The following TTLL5 variants were observed in gnomAD, a reference collection of about 807,000 sequenced individuals.
TTLL5 encodes the protein tubulin tyrosine ligase like 5, also known as tubulin polyglutamylase TTLL5.
Under a neutral mutation model 168.4 loss-of-function variants are expected in TTLL5, and 132 were observed. The ratio of observed to expected loss-of-function variants is 0.78; its 90% CI spans 0.68 to 0.91. The LOEUF (loss-of-function observed/expected upper bound fraction) is 0.91. TTLL5 is among the 40% of genes least tolerant of loss of function. The pLI is 0.00. For missense variants in TTLL5, 1,545 were observed against 1,581.5 expected (o/e 0.98, Z 0.39); for synonymous variants, 546 against 558.6 (o/e 0.98, Z 0.32).
At chr14:75,868,697 C>T (rs1223477232) in intron 29 of TTLL5, among the ~76,000 whole-genome samples, 3 of 152,090 alleles carry the variant, frequency 2.0e-5, no homozygotes, top group Admixed American at 6.5e-5. Flanking sequence ...CCATATAAAC[C>T]GAACCATGTC....
chr14:75,771,959 G>A (rs1566597057), intron 21 of TTLL5, 105 bp downstream of exon 21: 5 of 1,304,958 alleles, frequency 3.8e-6, no homozygotes, highest in Non-Finnish European at 5.2e-6. Context: ...TTTTTCTGGT[G>A]AAAGGATTAT....
Position 75,766,221 on chromosome 14 carries a change from C to T in TTLL5, c.1868C>T (p.Thr623Ile). The T allele has an allele frequency of 6.2e-7, 1 of 1,614,006 alleles. No individual in the cohort carries two copies. The highest frequency in any genetic ancestry group is 1.1e-5 in the South Asian group (1 of 91,078). The stretch of plus-strand genomic sequence containing the variant: ...CAAGCCAAATATACACCCTCATTGA[C>T]AGCTTTGGTAGAAAATACACCCAAA... ...ENQAKYTPSL[T>I]ALVENTPKEN... The change falls in exon 20 of 32, where the codon ACA becomes ATA. Residue 623 changes from threonine to isoleucine, a missense_variant. Transcript: ENST00000298832.
intron 12 of TTLL5, among the ~76,000 whole-genome samples, chr14:75,727,452 A>G (rs1272152227): frequency 1.3e-5 from 2 of 152,246 alleles, no homozygotes; most frequent in Non-Finnish European, 2.9e-5. Flanking sequence ...TCAAGAAACT[A>G]CATATTACAT....
intron 18 of TTLL5, among the ~76,000 whole-genome samples, chr14:75,763,268 TG>T (rs1566592971): frequency 2.0e-5 from 3 of 151,890 alleles, no homozygotes; most frequent in Non-Finnish European, 2.9e-5. Flanking sequence ...TGTGTGTGTG[TG>T]TGTGTGTGTG....
chr14:75,748,599 G>A (rs749726134), intron 17 of TTLL5, among the ~76,000 whole-genome samples: 3 of 152,204 alleles, frequency 2.0e-5, no homozygotes, highest in Non-Finnish European at 2.9e-5. Context: ...TTTCAGATCC[G>A]TTGCTGAAGT....
chr14:75,763,582 C>T (rs769681985), intron 18 of TTLL5, among the ~76,000 whole-genome samples: 13 of 152,170 alleles, frequency 8.5e-5, no homozygotes, highest in East Asian at 1.9e-4. Flanking sequence ...CTAGAGAGTT[C>T]AGAGCCAACC....
chr14:75,878,239 C>G (rs968168205), intron 29 of TTLL5, among the ~76,000 whole-genome samples: 1 of 152,174 alleles, frequency 6.6e-6, no homozygotes, highest in Admixed American at 6.5e-5. Context: ...TAACAGAACC[C>G]TCTCTACCAC....
At chr14:75,686,322 A>G (rs1319651809) in intron 5 of TTLL5, among the ~76,000 whole-genome samples, 2 of 152,144 alleles carry the variant, frequency 1.3e-5, no homozygotes. Flanking sequence ...GATTTTCTTT[A>G]TAACTTTGCC....
In TTLL5 at chr14:75,909,753, G is replaced by A. The variant is rs554102207; in HGVS notation, c.3823+7529G>A. ...GGGCATAGCACTTCATCCGTAGCCT[G>A]TGTTACACAAGTGATGTTTTAACAG... On this transcript the variant is annotated intron_variant, in intron 31 of 31. Coordinates refer to ENST00000298832, the MANE Select transcript of TTLL5 (RefSeq NM_015072.5). Among the ~76,000 whole-genome samples the A allele has an allele frequency of 2.0e-5, 3 of 152,318 alleles. No individual in the cohort carries two copies. In the East Asian group the frequency reaches 5.8e-4, roughly 29 times the overall value.
chr14:75,892,429 A>C (rs895897572), intron 30 of TTLL5, among the ~76,000 whole-genome samples: 5 of 152,222 alleles, frequency 3.3e-5, no homozygotes, highest in African/African-American at 1.2e-4. Flanking sequence ...AAAGTGCCCT[A>C]CAAGAGGAGA....
intron 7 of TTLL5, among the ~76,000 whole-genome samples, chr14:75,699,701 G>A (rs1886122173): frequency 6.6e-6 from 1 of 152,138 alleles, no homozygotes; most frequent in Admixed American, 6.6e-5. Context: ...TACTGCTGCT[G>A]CTTCTCCTTT....
chr14:75,814,571 G>A (rs1179302842), intron 27 of TTLL5: 2 of 152,154 alleles, frequency 1.3e-5, no homozygotes, highest in East Asian at 3.8e-4. Flanking sequence ...GTCTTCTCTA[G>A]GCAGGACAAG....
chr14:75,820,333 G>C (rs1894753703), intron 28 of TTLL5, among the ~76,000 whole-genome samples, 172 bp downstream of exon 28: 1 of 152,182 alleles, frequency 6.6e-6, no homozygotes, highest in Non-Finnish European at 1.5e-5. Context: ...TTATTTGTAA[G>C]ACAGTTTTCA....
intron 31 of TTLL5, chr14:75,906,550 T>C (rs2033155287): frequency 1.0e-6 from 1 of 985,728 alleles, no homozygotes; most frequent in Non-Finnish European, 1.2e-6. Context: ...TTTTCCATTT[T>C]TCAGGATCTT....
chr14:75,795,316 A>ACTTT (rs1892942295), intron 27 of TTLL5, among the ~76,000 whole-genome samples: 1 of 152,250 alleles, frequency 6.6e-6, no homozygotes. Flanking sequence ...TTCAATAGTA[A>ACTTT]ATGGCTTCTA....
chr14:75,668,300 C>T (rs1056516330), intron 2 of TTLL5, among the ~76,000 whole-genome samples: 1 of 152,138 alleles, frequency 6.6e-6, no homozygotes, highest in Admixed American at 6.5e-5. Flanking sequence ...AGAAAGAATA[C>T]AGATGTTAGG....
chr14:75,929,704 C>T (rs560785036), intron 31 of TTLL5, among the ~76,000 whole-genome samples: 11 of 152,226 alleles, frequency 7.2e-5, no homozygotes, highest in East Asian at 1.9e-4. Flanking sequence ...CTACCCACCT[C>T]GGCCTCCCAA....
intron 7 of TTLL5, among the ~76,000 whole-genome samples, chr14:75,704,498 C>A (rs1376252747): frequency 1.3e-5 from 2 of 152,168 alleles, no homozygotes; most frequent in Admixed American, 6.5e-5. Flanking sequence ...GAAATAACAC[C>A]ATTGGACTCC....
chr14:75,795,345 T>C (rs962072826), intron 27 of TTLL5, among the ~76,000 whole-genome samples: 11 of 152,354 alleles, frequency 7.2e-5, no homozygotes, highest in Admixed American at 4.6e-4. Context: ...AGAAACAAGT[T>C]TTTAGATAAA....
Sources: allele counts gnomAD v4.1 joint callset (sites outside exome capture counted in the v4.1 genomes callset), GRCh38; gene constraint gnomAD v4.1.1; transcripts MANE v1.5; gene names NCBI Gene and HGNC (gene_info 2026-07-23, HGNC 2026-07-21).